Variants in MDFIC observed in about 807,000 individuals in gnomAD.
MDFIC encodes myoD family inhibitor domain-containing protein.
A neutral mutation model predicts 23.2 loss-of-function variants in MDFIC; 17 were observed. The observed-to-expected ratio is 0.73, with a 90% CI of 0.50 to 1.10. The LOEUF is 1.10. MDFIC is among the 50% of genes least tolerant of loss of function. The probability of loss-of-function intolerance (pLI) is 0.00; values close to 1 mark genes in which losing one functional copy is unlikely to be tolerated. For synonymous variants in MDFIC, 120 were observed against 115.2 expected, an observed-to-expected ratio of 1.04 and a Z score of -0.27; for missense variants, 356 against 316.6, an observed-to-expected ratio of 1.12 and a Z score of -0.95.
In MDFIC at chr7:114,964,704, C is replaced by T. The variant is rs576345069; in HGVS notation, c.218-14802C>T. Among the ~76,000 whole-genome samples the T allele has an allele frequency of 2.2e-3, 334 of 152,312 alleles. 1 individual carries two copies. Among genetic ancestry groups the T allele is most frequent in the African/African-American group, 7.8e-3 (324 of 41,564 alleles). On this transcript the variant is annotated intron_variant, in intron 3 of 4. Coordinates refer to ENST00000393486, the MANE Select transcript of MDFIC (RefSeq NM_001166345.3). ...TAGTTGGGATTACAGGCACCCGCCA[C>T]CACACCCAGCTAGTTTTTGTATTTT... is the stretch of plus-strand genomic sequence containing the variant.
intron 3 of MDFIC, among the ~76,000 whole-genome samples, chr7:114,950,759 A>C (rs1411381054): frequency 1.3e-5 from 2 of 152,198 alleles, no homozygotes; most frequent in African/African-American, 4.8e-5. Flanking sequence ...AAAAATTGCC[A>C]TATATAACAG....
intron 3 of MDFIC, among the ~76,000 whole-genome samples, chr7:114,968,097 A>G (rs1368300457): frequency 6.6e-6 from 1 of 152,180 alleles, no homozygotes; most frequent in African/African-American, 2.4e-5. Flanking sequence ...GATTACAGGC[A>G]TGAGCCACTG....
At chr7:114,964,528 TCCCTTCC>T (rs1270927618) in intron 3 of MDFIC, among the ~76,000 whole-genome samples, 4 of 142,894 alleles carry the variant, frequency 2.8e-5, no homozygotes, top group African/African-American at 7.8e-5. Flanking sequence ...TCCCTTCACT[TCCCTTCC>T]CTTCCCTTCC....
rs1793384473 is a variant in MDFIC, at chr7:114,979,685, A to G, written c.397A>G (p.Arg133Gly). 1 of 1,614,160 alleles carries G rather than the reference A, an allele frequency of 6.2e-7. No homozygotes were observed. Among genetic ancestry groups the G allele is most frequent in the African/African-American group, 1.3e-5 (1 of 75,046 alleles). ...LSAPVSQKMH[R>G]KIQSSLSVNS... is the part of the protein sequence containing the mutation. ...AGCACCTGTTTCTCAAAAAATGCATAGAAAAATTCAGTCCAGCTTGTCTGT... is the reference window on the plus strand; with the variant it reads ...AGCACCTGTTTCTCAAAAAATGCATGGAAAAATTCAGTCCAGCTTGTCTGT... The change falls in exon 4 of 5, where the codon AGA becomes GGA. Residue 133 changes from arginine (R) to glycine (G), a missense_variant. Physicochemically the swap from Arg to Gly is moderately radical, Grantham distance 125 (BLOSUM62 -2). Transcript: ENST00000393486.
At chr7:115,001,877 C>T (rs929707113) in intron 4 of MDFIC, among the ~76,000 whole-genome samples, 5 of 152,174 alleles carry the variant, frequency 3.3e-5, no homozygotes, top group African/African-American at 1.2e-4. Context: ...TGACTTACAA[C>T]TGTAATCCCA....
intron 4 of MDFIC, chr7:115,013,991 C>T (rs892501682): frequency 1.1e-5 from 11 of 985,302 alleles, no homozygotes; most frequent in Non-Finnish European, 1.1e-5. Flanking sequence ...GCTGCATGGA[C>T]CATCATATGT....
chr7:114,982,626 T>C (rs540282617), intron 4 of MDFIC, among the ~76,000 whole-genome samples: 13 of 152,192 alleles, frequency 8.5e-5, no homozygotes, highest in Admixed American at 2.0e-4. Context: ...GCCCAGGAGT[T>C]TGAGGTTACA....
rs749315964 is a variant in MDFIC at position 115,015,931 on chromosome 7, C to T, written c.737C>T (p.Ser246Leu). Residue 246 changes from serine to leucine, a missense_variant, in exon 5 of 5, where the codon TCA becomes TTA. By Grantham distance (145) the Ser-to-Leu change is moderately radical (BLOSUM62 -2). Transcript: ENST00000393486. ...CMECCGICFPS is the reference protein window; with the variant it reads ...CMECCGICFPL ...GAATGCTGTGGAATTTGTTTTCCTT[C>T]ATAAATATTTATCTTTTGTTTGTGT... 1 of 1,611,022 alleles carries T rather than the reference C, an allele frequency of 6.2e-7. No homozygotes were observed.
At chr7:114,956,381 A>G (rs1425009948) in intron 3 of MDFIC, among the ~76,000 whole-genome samples, 4 of 151,722 alleles carry the variant, frequency 2.6e-5, no homozygotes, top group Non-Finnish European at 5.9e-5. Context: ...ACACACACAC[A>G]TATATATACA....
At chr7:114,923,650 T>C (rs1012300135) in intron 2 of MDFIC, 3 of 1,426,128 alleles carry the variant, frequency 2.1e-6, no homozygotes, top group African/African-American at 2.9e-5. Context: ...ACAAGGTTTA[T>C]AAGAAACACT....
At chr7:114,963,168 A>C (rs369624551) in intron 3 of MDFIC, among the ~76,000 whole-genome samples, 10 of 152,308 alleles carry the variant, frequency 6.6e-5, no homozygotes, top group African/African-American at 2.4e-4. Flanking sequence ...TAAATGAATA[A>C]TTTATAATGG....
At chr7:114,946,298 A>G (rs932634003) in intron 3 of MDFIC, among the ~76,000 whole-genome samples, 43 of 151,256 alleles carry the variant, frequency 2.8e-4, no homozygotes, top group Admixed American at 2.8e-3. Flanking sequence ...TTTTCCTTTA[A>G]TTTAGGTCAA....
intron 4 of MDFIC, among the ~76,000 whole-genome samples, chr7:114,987,572 G>A (rs1310970888): frequency 6.6e-6 from 1 of 152,148 alleles, no homozygotes. Flanking sequence ...GTGGGCGAAA[G>A]GTTTAGAATT....
chr7:114,987,959 G>A (rs540508990), intron 4 of MDFIC, among the ~76,000 whole-genome samples: 1 of 152,254 alleles, frequency 6.6e-6, no homozygotes, highest in East Asian at 1.9e-4. Flanking sequence ...GAGGAGCAAA[G>A]AAACTATTTT....
Position 114,960,931 on chromosome 7 carries a change from A to C in MDFIC, c.217+18534A>C, listed in dbSNP as rs1792978041. ...AATAATAACTAATTTTATGGTTCTG[A>C]AAATCTGGAACCTAAATGTCAGTAT... is the stretch of plus-strand genomic sequence containing the variant. On this transcript the variant is annotated intron_variant, in intron 3 of 4. Transcript: ENST00000393486. 1.3e-5 allele frequency among the ~76,000 whole-genome samples: 2 copies of C among 152,182 alleles called. 1 individual carries two copies. The highest frequency in any genetic ancestry group is 3.9e-4 in the East Asian group (2 of 5,194).
chr7:114,932,721 C>G (rs1792338181), intron 2 of MDFIC, among the ~76,000 whole-genome samples: 1 of 152,172 alleles, frequency 6.6e-6, no homozygotes, highest in South Asian at 2.1e-4. Flanking sequence ...GAACTCATTG[C>G]TCTACAGCAA....
At chr7:114,923,933 G>T (rs1268110810) in intron 2 of MDFIC, among the ~76,000 whole-genome samples, 2 of 152,170 alleles carry the variant, frequency 1.3e-5, no homozygotes, top group Non-Finnish European at 2.9e-5. Flanking sequence ...CAAAAACCTA[G>T]CATATACCCC....
At chr7:115,014,345 T>C (rs888314370) in intron 4 of MDFIC, 2 of 1,266,450 alleles carry the variant, frequency 1.6e-6, no homozygotes, top group Admixed American at 5.0e-5. Flanking sequence ...AGAGGGATTC[T>C]GTCAATTCAC....
At chr7:114,999,552 A>G (rs969181758) in intron 4 of MDFIC, among the ~76,000 whole-genome samples, 11 of 152,024 alleles carry the variant, frequency 7.2e-5, no homozygotes, top group African/African-American at 2.4e-4. Flanking sequence ...GTGTTAAACT[A>G]TTGTGGTTTT....
Sources: gnomAD v4.1 joint callset for allele counts (sites outside exome capture counted in the v4.1 genomes callset) on GRCh38, gnomAD v4.1.1 for gene constraint, MANE v1.5 for transcripts, NCBI Gene and HGNC (gene_info 2026-07-23, HGNC 2026-07-21) for gene names.